SETBP1: variants seen among roughly 807,000 people sequenced by gnomAD.
SETBP1 encodes SET binding protein 1.
In SETBP1, 9 loss-of-function variants were observed where a neutral mutation model predicts 101.0. The ratio of observed to expected loss-of-function variants is 0.09; its 90% CI spans 0.05 to 0.16. The LOEUF (loss-of-function observed/expected upper bound fraction) is 0.16. Ranked by LOEUF, SETBP1 falls within the 10% of genes least tolerant of loss-of-function variation. The pLI, the probability that SETBP1 is intolerant of heterozygous loss-of-function variation, is 1.00. For synonymous variants in SETBP1, 818 were observed against 788.5 expected (o/e 1.04, Z -0.63); for missense variants, 1,858 against 2,033.8 (o/e 0.91, Z 1.66).
intron 2 of SETBP1, among the ~76,000 whole-genome samples, chr18:44,846,495 A>G (rs1038388251): frequency 2.0e-5 from 3 of 152,208 alleles, no homozygotes; most frequent in Admixed American, 1.3e-4. Flanking sequence ...TATTTCCTAT[A>G]CATGGAGTCA....
chr18:44,776,103 G>A lies in SETBP1; in HGVS notation c.486+74271G>A, dbSNP rs377674132. On this transcript the variant is annotated intron_variant, in intron 2 of 5. Coordinates refer to ENST00000649279, the MANE Select transcript of SETBP1 (RefSeq NM_015559.3). The stretch of plus-strand genomic sequence containing the variant: ...TCTGTGTGTAGCTGCCCTGGCAGGT[G>A]AGAGGGAGGGTATTATGAAAAGGTA... 1.8e-4 allele frequency among the ~76,000 whole-genome samples: 28 copies of A among 152,326 alleles called. No individual in the cohort carries two copies. The East Asian group carries it at 5.0e-3, about 27-fold the overall frequency.
At chr18:44,926,407 G>C (rs200204922) in intron 3 of SETBP1, among the ~76,000 whole-genome samples, 1 of 152,316 alleles carries the variant, frequency 6.6e-6, no homozygotes, top group South Asian at 2.1e-4. Context: ...GATTTTGTCT[G>C]ATGGTTAGTG....
At position 44,930,901 on chromosome 18, in the gene SETBP1, T is replaced by C. The variant is rs62090469; in HGVS notation, c.541-18980T>C. 4.5e-3 allele frequency among the ~76,000 whole-genome samples: 681 copies of C among 152,284 alleles called. 5 individuals are homozygous for C. Among genetic ancestry groups the C allele is most frequent in the Non-Finnish European group, 7.6e-3 (518 of 68,014 alleles). On this transcript the variant is annotated intron_variant, in intron 3 of 5. Coordinates refer to ENST00000649279, the MANE Select transcript of SETBP1 (RefSeq NM_015559.3). ...AAAAAAAAAACTGCTCCTGGATTCA[T>C]TGATTTTTTTGAAGAGTTTTTTGTG...
At chr18:44,954,684 C>A (rs539943937) in intron 4 of SETBP1, among the ~76,000 whole-genome samples, 6 of 152,138 alleles carry the variant, frequency 3.9e-5, no homozygotes, top group Non-Finnish European at 5.9e-5. Context: ...ATGAAGAAAC[C>A]AATTAGCAGT....
intron 4 of SETBP1, among the ~76,000 whole-genome samples, chr18:44,991,244 CAAAAAAA>C (rs55811938): frequency 1.5e-4 from 10 of 68,212 alleles, no homozygotes; most frequent in African/African-American, 4.7e-4. Context: ...CTGCATCTCA[CAAAAAAA>C]AAAAAAAAAA....
At chr18:45,052,461 G>T (rs565976408) in intron 5 of SETBP1, among the ~76,000 whole-genome samples, 141 of 152,308 alleles carry the variant, frequency 9.3e-4, no homozygotes, top group Admixed American at 1.8e-3. Context: ...ACAATGCCTG[G>T]TATTGCTTTG....
intron 4 of SETBP1, among the ~76,000 whole-genome samples, chr18:45,009,990 C>T (rs1223573720): frequency 6.6e-6 from 1 of 152,150 alleles, no homozygotes; most frequent in Non-Finnish European, 1.5e-5. Context: ...GCCTGTTAAC[C>T]ACAGTTCCTC....
At chr18:44,845,921 G>A (rs2072715498) in intron 2 of SETBP1, among the ~76,000 whole-genome samples, 1 of 152,196 alleles carries the variant, frequency 6.6e-6, no homozygotes. Flanking sequence ...TAAATAAGAA[G>A]AGGGCAACTG....
intron 4 of SETBP1, among the ~76,000 whole-genome samples, chr18:44,974,344 G>A (rs2071937952): frequency 6.6e-6 from 1 of 152,170 alleles, no homozygotes; most frequent in Non-Finnish European, 1.5e-5. Context: ...ATCCAGGCGA[G>A]AGATTCCGAA....
At chr18:44,757,546 C>A (rs1264960467) in intron 2 of SETBP1, among the ~76,000 whole-genome samples, 3 of 152,142 alleles carry the variant, frequency 2.0e-5, no homozygotes, top group Non-Finnish European at 4.4e-5. Flanking sequence ...AACTGGATTG[C>A]ATTATTGTAA....
intron 5 of SETBP1, among the ~76,000 whole-genome samples, chr18:45,060,638 A>C (rs910613323): frequency 1.3e-5 from 2 of 152,206 alleles, no homozygotes; most frequent in Non-Finnish European, 1.5e-5. Flanking sequence ...GATTTACACT[A>C]TCAGAATTAA....
At chr18:44,944,679 C>T (rs2071162284) in intron 3 of SETBP1, among the ~76,000 whole-genome samples, 2 of 152,162 alleles carry the variant, frequency 1.3e-5, no homozygotes, top group Non-Finnish European at 1.5e-5. Flanking sequence ...TCCCAAATAT[C>T]TTACAAACAG....
At chr18:44,993,062 G>T (rs1201071188) in intron 4 of SETBP1, among the ~76,000 whole-genome samples, 2 of 151,982 alleles carry the variant, frequency 1.3e-5, no homozygotes, top group East Asian at 1.9e-4. Flanking sequence ...AAAGACAAAT[G>T]ATTATGTCAA....
chr18:44,710,774 A>C (rs1034141480), intron 2 of SETBP1, among the ~76,000 whole-genome samples: 1 of 152,146 alleles, frequency 6.6e-6, no homozygotes, highest in African/African-American at 2.4e-5. Context: ...ATCTGCAATA[A>C]ACTAAAAATT....
At chr18:45,033,135 A>G (rs1209426961) in intron 4 of SETBP1, among the ~76,000 whole-genome samples, 1 of 152,240 alleles carries the variant, frequency 6.6e-6, no homozygotes, top group African/African-American at 2.4e-5. Context: ...AAAAAGAACA[A>G]TAGAATAATC....
At chr18:44,703,997 C>G (rs1237783164) in intron 2 of SETBP1, among the ~76,000 whole-genome samples, 1 of 152,152 alleles carries the variant, frequency 6.6e-6, no homozygotes. Context: ...CCCTTTGTCT[C>G]CATCACCTTC....
At chr18:44,744,670 G>C (rs893635784) in intron 2 of SETBP1, among the ~76,000 whole-genome samples, 4 of 151,982 alleles carry the variant, frequency 2.6e-5, no homozygotes, top group African/African-American at 9.6e-5. Flanking sequence ...GCCAAACGCA[G>C]TCTTTGCATG....
chr18:44,908,225 T>G (rs566909373), intron 3 of SETBP1, among the ~76,000 whole-genome samples: 32 of 152,214 alleles, frequency 2.1e-4, no homozygotes, highest in African/African-American at 7.7e-4. Flanking sequence ...CATGCTCATC[T>G]AATTTTTGTA....
At chr18:44,935,532 C>T (rs990525695) in intron 3 of SETBP1, among the ~76,000 whole-genome samples, 7 of 152,194 alleles carry the variant, frequency 4.6e-5, no homozygotes, top group Non-Finnish European at 8.8e-5. Flanking sequence ...CACCCTGAGA[C>T]AAAGCTGAAC....
Sources: allele counts gnomAD v4.1 joint callset (sites outside exome capture counted in the v4.1 genomes callset), GRCh38; gene constraint gnomAD v4.1.1; transcripts MANE v1.5; gene names NCBI Gene and HGNC (gene_info 2026-07-23, HGNC 2026-07-21).